Variants in CFAP20DC observed in about 807,000 individuals in gnomAD.
CFAP20DC encodes the protein CFAP20 domain containing.
A neutral mutation model predicts 101.7 loss-of-function variants in CFAP20DC; 84 were observed. The ratio of observed to expected loss-of-function variants is 0.83; its 90% CI spans 0.69 to 0.99. The LOEUF is 0.99. Ranked by LOEUF, CFAP20DC falls within the 50% of genes least tolerant of loss-of-function variation. The probability of loss-of-function intolerance (pLI) is 0.00; values close to 1 mark genes in which losing one functional copy is unlikely to be tolerated. For synonymous variants in CFAP20DC, 359 were observed against 351.2 expected (o/e 1.02, Z -0.25); for missense variants, 1,007 against 970.3 (o/e 1.04, Z -0.50).
At chr3:59,016,502 T>C (rs2093692830) in intron 4 of CFAP20DC, among the ~76,000 whole-genome samples, 1 of 152,124 alleles carries the variant, frequency 6.6e-6, no homozygotes, top group South Asian at 2.1e-4. Flanking sequence ...TAATTTATTG[T>C]ATATTTTAAA....
At chr3:58,887,820 A>G (rs944775689) in intron 6 of CFAP20DC, among the ~76,000 whole-genome samples, 3 of 152,240 alleles carry the variant, frequency 2.0e-5, no homozygotes, top group Non-Finnish European at 4.4e-5. Context: ...AAAACCTGCA[A>G]TAAAAGGAGA....
intron 4 of CFAP20DC, among the ~76,000 whole-genome samples, chr3:58,949,967 G>C (rs985744848): frequency 6.6e-6 from 1 of 152,190 alleles, no homozygotes; most frequent in Non-Finnish European, 1.5e-5. Flanking sequence ...ATTAGGAAAA[G>C]AGGGAGTCCA....
intron 13 of CFAP20DC, among the ~76,000 whole-genome samples, chr3:58,833,682 C>G (rs1405514305): frequency 6.6e-6 from 1 of 152,166 alleles, no homozygotes; most frequent in Non-Finnish European, 1.5e-5. Flanking sequence ...AAATGTTAAA[C>G]ATCTGAGTTA....
chr3:58,719,998 T>C (rs1307353347), intron 3 of CFAP20DC, among the ~76,000 whole-genome samples: 1 of 152,248 alleles, frequency 6.6e-6, no homozygotes, highest in Non-Finnish European at 1.5e-5. Context: ...GTTAAATGTC[T>C]CCTTGGAGGG....
At chr3:59,011,215 T>G (rs772479077) in intron 4 of CFAP20DC, among the ~76,000 whole-genome samples, 8 of 152,112 alleles carry the variant, frequency 5.3e-5, no homozygotes, top group Non-Finnish European at 1.0e-4. Context: ...CTGGCCAACA[T>G]GGTGAAACCC....
At chr3:58,803,514 A>C (rs1247305170) in intron 15 of CFAP20DC, among the ~76,000 whole-genome samples, 2 of 152,240 alleles carry the variant, frequency 1.3e-5, no homozygotes, top group Non-Finnish European at 1.5e-5. Flanking sequence ...TACAGATCTT[A>C]AGAAGAATCA....
intron 14 of CFAP20DC, among the ~76,000 whole-genome samples, chr3:58,807,717 T>A (rs1359906542): frequency 1.3e-5 from 2 of 152,206 alleles, no homozygotes; most frequent in East Asian, 3.8e-4. Context: ...GGATGGAGAA[T>A]GACTTTGACG....
chr3:58,883,474 A>C (rs1315000722), intron 7 of CFAP20DC, among the ~76,000 whole-genome samples: 2 of 152,138 alleles, frequency 1.3e-5, no homozygotes, highest in African/African-American at 2.4e-5. Context: ...CCTTCTTATT[A>C]ATCCCTCAGT....
Position 59,049,902 on chromosome 3 carries a change from C to A in CFAP20DC, c.-271G>T. 5.5e-6 allele frequency: 3 copies of A among 545,958 alleles called. No individual in the cohort carries two copies. Among genetic ancestry groups the A allele is most frequent in the Non-Finnish European group, 6.5e-6 (2 of 306,824 alleles). The allele number at this position is 545,958 out of a possible 1,614,324, so 33.8% of individuals were successfully genotyped here. A position where few individuals can be genotyped will look rare whatever the true frequency, so the allele number is the denominator to read the frequency against. ...GCAGCTGCCTGGACGGACTCCGGGCCGTCCCTGGGGAGTGATTGTGTGTGT... is the reference window on the plus strand; with the variant it reads ...GCAGCTGCCTGGACGGACTCCGGGCAGTCCCTGGGGAGTGATTGTGTGTGT... On this transcript the variant is annotated 5_prime_UTR_variant, in exon 1 of 17. Coordinates refer to ENST00000482387, the MANE Select transcript of CFAP20DC (RefSeq NM_001394063.1).
Position 58,810,764 on chromosome 3 carries a change from G to C in CFAP20DC, c.2176-4308C>G, listed in dbSNP as rs573550235. On this transcript the variant is annotated intron_variant, in intron 14 of 16. Transcript: ENST00000482387. The stretch of plus-strand genomic sequence containing the variant: ...AATTAGGAAAAGAGGAAGTCAAATT[G>C]TCCCTGTTTGCAGATGACATGATTG... Among the ~76,000 whole-genome samples, 27 of 151,316 alleles carry C rather than the reference G, an allele frequency of 1.8e-4. No individual in the cohort carries two copies. The South Asian group carries it at 4.6e-3, about 26-fold the overall frequency.
intron 14 of CFAP20DC, among the ~76,000 whole-genome samples, chr3:58,816,884 G>T (rs2075214383): frequency 6.6e-6 from 1 of 152,180 alleles, no homozygotes. Context: ...AGACTTAAGT[G>T]TCCCTGTCTG....
chr3:58,925,624 A>T (rs1439984581), intron 5 of CFAP20DC, among the ~76,000 whole-genome samples: 1 of 152,246 alleles, frequency 6.6e-6, no homozygotes, highest in Non-Finnish European at 1.5e-5. Flanking sequence ...TAATAACAAC[A>T]TCAACTAACA....
At chr3:58,746,984 T>C (rs1192453438) in intron 16 of CFAP20DC, among the ~76,000 whole-genome samples, 1 of 152,096 alleles carries the variant, frequency 6.6e-6, no homozygotes, top group African/African-American at 2.4e-5. Context: ...CGTGGATGGG[T>C]ATGGGGTAAT....
intron 4 of CFAP20DC, among the ~76,000 whole-genome samples, chr3:58,954,085 C>A (rs1203178956): frequency 2.0e-5 from 3 of 152,158 alleles, no homozygotes; most frequent in Non-Finnish European, 4.4e-5. Context: ...TAACAGCATT[C>A]ATTTCAAACT....
At chr3:59,008,106 C>T (rs1448706301) in intron 4 of CFAP20DC, among the ~76,000 whole-genome samples, 1 of 152,166 alleles carries the variant, frequency 6.6e-6, no homozygotes, top group Non-Finnish European at 1.5e-5. Flanking sequence ...CTGGAAAAAT[C>T]CAGGGTGAGT....
rs533333865 is a variant in CFAP20DC, at chr3:58,931,608, C to T, written c.393+6040G>A. Among the ~76,000 whole-genome samples, 38 of 152,304 alleles carry T rather than the reference C, an allele frequency of 2.5e-4. No individual in the cohort carries two copies. In the East Asian group the frequency reaches 6.2e-3, roughly 25 times the overall value. Reference sequence around the variant, plus strand: ...AGGAACGATCAGACAGCAGCATTCGCGGTTCATGAAAATCTGCTGTTCTGC... The same window carrying T: ...AGGAACGATCAGACAGCAGCATTCGTGGTTCATGAAAATCTGCTGTTCTGC... On this transcript the variant is annotated intron_variant, in intron 5 of 16. Transcript: ENST00000482387.
chr3:58,798,887 C>T (rs190881547), intron 15 of CFAP20DC, among the ~76,000 whole-genome samples: 2 of 152,278 alleles, frequency 1.3e-5, no homozygotes, highest in East Asian at 3.9e-4. Context: ...AAAGTATTTT[C>T]AAATTAAGGC....
intron 15 of CFAP20DC, among the ~76,000 whole-genome samples, chr3:58,797,898 A>T (rs1208264936): frequency 2.0e-5 from 3 of 152,164 alleles, no homozygotes; most frequent in Admixed American, 6.5e-5. Flanking sequence ...CAAAGCCTGG[A>T]TGAAGGCACA....
rs565892432 is a variant in CFAP20DC at position 58,762,122 on chromosome 3, A to G, written c.2238-8259T>C. On this transcript the variant is annotated intron_variant, in intron 15 of 16. Transcript: ENST00000482387. Reference sequence around the variant, plus strand: ...ACTTTCTGTCTCATGGATCTGTCTAATGTTGACAGTGGGGTGTTAAAGTCT... The same window carrying G: ...ACTTTCTGTCTCATGGATCTGTCTAGTGTTGACAGTGGGGTGTTAAAGTCT... Among the ~76,000 whole-genome samples, 79 of 152,288 alleles carry G rather than the reference A, an allele frequency of 5.2e-4. 1 individual carries two copies. Among genetic ancestry groups the G allele is most frequent in the African/African-American group, 1.9e-3 (77 of 41,542 alleles).
Sources: gnomAD v4.1 joint callset for allele counts (sites outside exome capture counted in the v4.1 genomes callset) on GRCh38, gnomAD v4.1.1 for gene constraint, MANE v1.5 for transcripts, NCBI Gene and HGNC (gene_info 2026-07-23, HGNC 2026-07-21) for gene names.